Variants in ARHGEF40 observed in about 807,000 individuals in gnomAD.
ARHGEF40 encodes Rho guanine nucleotide exchange factor (GEF) 40.
Under a neutral mutation model 165.9 loss-of-function variants are expected in ARHGEF40, and 98 were observed. The ratio of observed to expected loss-of-function variants is 0.59; its 90% confidence interval spans 0.50 to 0.70. The LOEUF (loss-of-function observed/expected upper bound fraction) is 0.70. Among genes scored for constraint, ARHGEF40 ranks in the 30% least tolerant of loss-of-function variants. The probability of loss-of-function intolerance (pLI) is 0.00; values close to 1 mark genes in which losing one functional copy is unlikely to be tolerated. For synonymous variants in ARHGEF40, 792 were observed against 814.3 expected (o/e 0.97, Z 0.47); for missense variants, 1,815 against 1,968.0 (o/e 0.92, Z 1.47).
At chr14:21,082,520 CTG>C in intron 15 of ARHGEF40, 42 bp downstream of exon 15, 1 of 1,516,448 alleles carries the variant, frequency 6.6e-7, no homozygotes, top group Non-Finnish European at 8.8e-7. Flanking sequence ...TCTCCCTTCT[CTG>C]TTCCAGCCTC....
chr14:21,061,668 G>C, the ARHGEF40 span, among the ~76,000 whole-genome samples: 2 of 152,204 alleles, frequency 1.3e-5, no homozygotes, highest in African/African-American at 2.4e-5. Flanking sequence ...CAGTGGGTAA[G>C]TATGTTCTAA....
chr14:21,080,959 G>A lies in ARHGEF40; in HGVS notation c.2583G>A (p.Leu861=). Reference sequence around the variant, plus strand: ...TGCTGGATATCTTTGAACAGCGGCTGGAGCAGGTTGAGAGTGGCCTCCATC... The same window carrying A: ...TGCTGGATATCTTTGAACAGCGGCTAGAGCAGGTTGAGAGTGGCCTCCATC... ...QKVLDIFEQR[L]EQVESGLHRA... Residue 861 remains leucine, a synonymous_variant, in exon 13 of 24, where the codon CTG becomes CTA. Coordinates refer to ENST00000298694, the MANE Select transcript of ARHGEF40 (RefSeq NM_018071.5). 4.3e-6 allele frequency: 7 copies of A among 1,614,216 alleles called. No individual in the cohort carries two copies. Among genetic ancestry groups the A allele is most frequent in the Non-Finnish European group, 5.9e-6 (7 of 1,180,032 alleles).
chr14:21,086,043 C>T (rs1217552499), intron 19 of ARHGEF40, 177 bp downstream of exon 19: 3 of 795,654 alleles, frequency 3.8e-6, no homozygotes, highest in Non-Finnish European at 5.6e-6. Flanking sequence ...CTAAGATATA[C>T]CAAAAAGAAA....
rs1341962526 is a variant in ARHGEF40 at position 21,073,260 on chromosome 14, A to G, written c.201+18A>G. On this transcript the variant is annotated intron_variant, in intron 2 of 23. Transcript: ENST00000298694. This position sits in a 1 kb window ranked among gnomAD's most constrained non-coding sequence, Gnocchi z 4.6. ...AAGCCTGTGTGAGTGGCCGTGCATCACTATTCTGCCTTCCCCAAGATCCAC... is the reference window on the plus strand; with the variant it reads ...AAGCCTGTGTGAGTGGCCGTGCATCGCTATTCTGCCTTCCCCAAGATCCAC... 6.3e-7 allele frequency: 1 copy of G among 1,581,414 alleles called. No individual in the cohort carries two copies. The highest frequency in any genetic ancestry group is 1.8e-5 in the Admixed American group (1 of 54,592).
the ARHGEF40 span, among the ~76,000 whole-genome samples, chr14:21,064,299 CT>C: frequency 0.016 from 2,270 of 145,966 alleles, 41 homozygotes; most frequent in African/African-American, 0.038. Flanking sequence ...CACTTGATGC[CT>C]TTTTTTTTTT....
Position 21,075,554 on chromosome 14 carries a change from G to C in ARHGEF40, c.1618+55G>C, listed in dbSNP as rs962236326. On this transcript the variant is annotated intron_variant, in intron 4 of 23. Coordinates refer to ENST00000298694, the MANE Select transcript of ARHGEF40 (RefSeq NM_018071.5). The surrounding 1 kb of genome is among the most constrained non-coding windows in gnomAD (Gnocchi z 4.5). ...CAGGACTGGGAAAGAGAAGCAATTG[G>C]GTGGGCTTGGGGACTGGGGGAGGCA... The C allele has an allele frequency of 1.2e-6, 2 of 1,613,888 alleles. No individual in the cohort carries two copies. The highest frequency in any genetic ancestry group is 2.7e-5 in the African/African-American group (2 of 74,896).
In ARHGEF40 at chr14:21,074,969, C is replaced by T. The variant is rs1470488419; in HGVS notation, c.1239C>T (p.Ala413=). 4 of 1,611,160 alleles carry T rather than the reference C, an allele frequency of 2.5e-6. No individual in the cohort carries two copies. The South Asian group carries it at 4.4e-5, about 18-fold the overall frequency. ...AGGAAGATGCCAGCCACCAAGAAGCCCTTGGCAATCTGCCCTCACCAAGTG... is the reference window on the plus strand; with the variant it reads ...AGGAAGATGCCAGCCACCAAGAAGCTCTTGGCAATCTGCCCTCACCAAGTG... ...GDKEDASHQE[A]LGNLPSPSEH... is the part of the protein sequence containing the mutation. Residue 413 remains alanine (A), a synonymous_variant, in exon 3 of 24, where the codon GCC becomes GCT. Coordinates refer to ENST00000298694, the MANE Select transcript of ARHGEF40 (RefSeq NM_018071.5). The surrounding 1 kb of genome is among the most constrained non-coding windows in gnomAD (Gnocchi z 4.8).
chr14:21,068,615 C>A (rs1050485969), upstream of ARHGEF40, among the ~76,000 whole-genome samples: 11 of 152,032 alleles, frequency 7.2e-5, no homozygotes, highest in African/African-American at 2.4e-4. Flanking sequence ...GAATGGACAC[C>A]AGGGGGTAGC....
In ARHGEF40 at chr14:21,081,163, T is replaced by C; in HGVS notation, c.2640+147T>C. 7.0e-6 allele frequency: 9 copies of C among 1,287,722 alleles called. No homozygotes were observed. The South Asian group carries it at 1.0e-4, about 15-fold the overall frequency. 79.8% of individuals were successfully genotyped at this position (1,287,722 alleles called of 1,614,324 possible). On this transcript the variant is annotated intron_variant, in intron 13 of 23. Transcript: ENST00000298694. ...GCTCTTAGCTCTGCCACCTCCTTGC[T>C]GAATGGCATGGGGCAAGATACTAAA... is the stretch of plus-strand genomic sequence containing the variant.
chr14:21,081,978 T>A lies in ARHGEF40; in HGVS notation c.3110T>A (p.Ile1037Asn). 1 of 1,592,696 alleles carries A rather than the reference T, an allele frequency of 6.3e-7. No homozygotes were observed. Among genetic ancestry groups the A allele is most frequent in the South Asian group, 1.1e-5 (1 of 88,118 alleles). ...AEGRPPRAVL[I>N]RGLEVTSTEV... is the part of the protein sequence containing the mutation. Reference sequence around the variant, plus strand: ...GGCAGGCCCCCAAGAGCTGTGCTGATCCGAGGCCTGGAGGTCACCAGCACT... The same window carrying A: ...GGCAGGCCCCCAAGAGCTGTGCTGAACCGAGGCCTGGAGGTCACCAGCACT... Residue 1037 changes from isoleucine (I) to asparagine (N), a missense_variant, in exon 14 of 24, where the codon ATC (isoleucine) becomes AAC (asparagine). By Grantham distance (149) the Ile-to-Asn change is moderately radical. Coordinates refer to ENST00000298694, the MANE Select transcript of ARHGEF40 (RefSeq NM_018071.5).
At chr14:21,066,804 T>A (rs1886294089), upstream of ARHGEF40, among the ~76,000 whole-genome samples, 1 of 152,160 alleles carries the variant, frequency 6.6e-6, no homozygotes, top group East Asian at 1.9e-4. Context: ...GTTGTTAATT[T>A]TTGAAAAAAT....
upstream of ARHGEF40, among the ~76,000 whole-genome samples, chr14:21,068,520 G>A (rs1320789591): frequency 6.6e-6 from 1 of 152,136 alleles, no homozygotes; most frequent in Admixed American, 6.5e-5. Context: ...TCTCAACACC[G>A]AGAATAGATG....
chr14:21,075,857 C>T lies in ARHGEF40; in HGVS notation c.1739+92C>T, dbSNP rs1005983854. ...TCTTCTCAGGACACTGACCTTCTGA[C>T]CTCTAAGGACACCTACTTCTTCAAC... On this transcript the variant is annotated intron_variant, in intron 5 of 23. Coordinates refer to ENST00000298694, the MANE Select transcript of ARHGEF40 (RefSeq NM_018071.5). This position sits in a 1 kb window ranked among gnomAD's most constrained non-coding sequence, Gnocchi z 4.5. 7 of 1,475,278 alleles carry T rather than the reference C, an allele frequency of 4.7e-6. No individual in the cohort carries two copies. In the African/African-American group the frequency reaches 9.8e-5, roughly 21 times the overall value. The allele number at this position is 1,475,278 out of a possible 1,614,324, so 91.4% of individuals were successfully genotyped here. A position where few individuals can be genotyped will look rare whatever the true frequency, so the allele number is the denominator to read the frequency against.
chr14:21,080,720 G>A lies in ARHGEF40; in HGVS notation c.2434G>A (p.Asp812Asn), dbSNP rs1887824195. 12 of 1,612,336 alleles carry A rather than the reference G, an allele frequency of 7.4e-6. No individual in the cohort carries two copies. The highest frequency in any genetic ancestry group is 1.0e-5 in the Non-Finnish European group (12 of 1,179,182). Residue 812 changes from aspartate to asparagine, a missense_variant, in exon 12 of 24, where the codon GAC (aspartate) becomes AAC (asparagine). Asp to Asn is a conservative substitution (Grantham distance 23, BLOSUM62 1). Transcript: ENST00000298694. ...GCTGGCAAGCTTTGCTATGCCTGGG[G>A]ACACCTTGTCTGCCCTGCAGGAGAC... ...EQLASFAMPG[D>N]TLSALQETEL...
rs968199763 is a variant in ARHGEF40, at chr14:21,070,458, C to A, written c.3+59C>A. On this transcript the variant is annotated intron_variant, in intron 1 of 23. Transcript: ENST00000298694. This position sits in a 1 kb window ranked among gnomAD's most constrained non-coding sequence, Gnocchi z 4.7. ...CGGCCTTCGCGCAGCCCGCTCCGGG[C>A]CCCCAAGTCCTCAGCCTGGTGCCTC... The A allele has an allele frequency of 1.3e-5, 17 of 1,349,718 alleles. No individual in the cohort carries two copies. The highest frequency in any genetic ancestry group is 1.5e-5 in the Non-Finnish European group (16 of 1,056,954). 83.6% of individuals were successfully genotyped at this position (1,349,718 alleles called of 1,614,324 possible).
chr14:21,080,830 C>T, intron 12 of ARHGEF40, 43 bp from the exon 13 acceptor site: 1 of 1,608,038 alleles, frequency 6.2e-7, no homozygotes, highest in South Asian at 1.1e-5. Context: ...GGGAGACTAC[C>T]TAGGAGTGAG....
chr14:21,081,029 C>T lies in ARHGEF40; in HGVS notation c.2640+13C>T. On this transcript the variant is annotated intron_variant, in intron 13 of 23. Transcript: ENST00000298694. ...CTTCTTCCAGCAGGTGCATGCAGAG[C>T]CTTTTCCTTCTGTGCCCCCCCATTT... is the stretch of plus-strand genomic sequence containing the variant. 1.2e-6 allele frequency: 2 copies of T among 1,604,594 alleles called. No individual in the cohort carries two copies. The highest frequency in any genetic ancestry group is 1.7e-6 in the Non-Finnish European group (2 of 1,174,944).
chr14:21,074,973 G>T lies in ARHGEF40; in HGVS notation c.1243G>T (p.Gly415Cys). ...AGATGCCAGCCACCAAGAAGCCCTT[G>T]GCAATCTGCCCTCACCAAGTGAGCA... ...KEDASHQEAL[G>C]NLPSPSEHKL... Residue 415 changes from glycine to cysteine, a missense_variant, in exon 3 of 24, where the codon GGC (glycine) becomes TGC (cysteine). Physicochemically the swap from Gly to Cys is radical, Grantham distance 159. Transcript: ENST00000298694. The surrounding 1 kb of genome is among the most constrained non-coding windows in gnomAD (Gnocchi z 4.8). 1 of 1,611,490 alleles carries T rather than the reference G, an allele frequency of 6.2e-7. No individual in the cohort carries two copies. Among genetic ancestry groups the T allele is most frequent in the East Asian group, 2.2e-5 (1 of 44,880 alleles).
intron 19 of ARHGEF40, chr14:21,086,644 G>A (rs1306852707): frequency 2.0e-5 from 4 of 200,542 alleles, no homozygotes; most frequent in African/African-American, 6.9e-5. Flanking sequence ...CAAATATATG[G>A]AAGCATCTTG....
Sources: gnomAD v4.1 joint callset for allele counts (sites outside exome capture counted in the v4.1 genomes callset) on GRCh38, gnomAD v4.1.1 for gene constraint, Gnocchi (gnomAD v3.1) non-coding constraint, MANE v1.5 for transcripts, NCBI Gene and HGNC (gene_info 2026-07-23, HGNC 2026-07-21) for gene names.